The following OTC variants were observed in gnomAD, a reference collection of about 807,000 sequenced individuals.
The protein encoded by OTC is ornithine transcarbamylase, also known as ornithine transcarbamylase, mitochondrial.
Under a neutral mutation model 30.3 loss-of-function variants are expected in OTC, and 3 were observed. That is an observed-to-expected ratio of 0.10 (90% CI 0.05 to 0.26). The LOEUF (loss-of-function observed/expected upper bound fraction) is 0.26. OTC is among the 10% of genes least tolerant of loss of function. The pLI is 1.00. For missense variants in OTC, 194 were observed against 260.3 expected (o/e 0.75, Z 1.75); for synonymous variants, 111 against 99.7 (o/e 1.11, Z -0.67).
chrX:38,352,820 T>G (rs1362485966), intron 1 of OTC, 47 bp downstream of exon 1: 2 of 926,413 alleles, frequency 2.2e-6, no homozygotes, highest in Admixed American at 4.4e-5. Context: ...ATCATGGTGA[T>G]GCATAAAACT....
At chrX:38,399,631 T>C (rs1270648159) in intron 4 of OTC, among the ~76,000 whole-genome samples, 2 of 110,494 alleles carry the variant, frequency 1.8e-5, no homozygotes, top group Non-Finnish European at 3.8e-5. Flanking sequence ...CCTGTAATCC[T>C]AGCTACTTGG....
At chrX:38,331,443 T>G in the OTC span, among the ~76,000 whole-genome samples, 1,201 of 28,844 alleles carry the variant, frequency 0.042, 20 homozygotes, top group East Asian at 0.13. Flanking sequence ...TTTTTTTTTG[T>G]TTTTTTTTTT....
intron 1 of OTC, among the ~76,000 whole-genome samples, chrX:38,366,141 G>A (rs2068294815): frequency 9.0e-6 from 1 of 111,602 alleles, no homozygotes; most frequent in Non-Finnish European, 1.9e-5. Context: ...CCTTCCCTTG[G>A]CTTCACTTAG....
chrX:38,388,024 C>G (rs1013285257), intron 4 of OTC, among the ~76,000 whole-genome samples: 1 of 112,111 alleles, frequency 8.9e-6, no homozygotes, highest in Non-Finnish European at 1.9e-5. Context: ...AGCCAAGGGT[C>G]AGCCTTGTAA....
intron 9 of OTC, among the ~76,000 whole-genome samples, chrX:38,418,672 C>T (rs1385826914): frequency 9.0e-6 from 1 of 111,547 alleles, no homozygotes; most frequent in Non-Finnish European, 1.9e-5. Context: ...ATCACAGGGG[C>T]AGTTTCCCCC....
At chrX:38,420,973 G>C in intron 9 of OTC, 50 bp from the exon 10 acceptor site, 2 of 957,487 alleles carry the variant, frequency 2.1e-6, no homozygotes, top group South Asian at 3.9e-5. Context: ...TCCCTAAGCA[G>C]ACTGTCGCTA....
chrX:38,342,154 C>T, the OTC span, among the ~76,000 whole-genome samples: 18 of 107,423 alleles, frequency 1.7e-4, no homozygotes, highest in Non-Finnish European at 3.5e-4. Context: ...CGATGCATAG[C>T]TGGGATTACA....
chrX:38,340,736 A>G, the OTC span, among the ~76,000 whole-genome samples: 3 of 110,484 alleles, frequency 2.7e-5, no homozygotes, highest in South Asian at 1.1e-3. Flanking sequence ...TGAACGTTCC[A>G]TTATAAATCT....
the OTC span, among the ~76,000 whole-genome samples, chrX:38,339,791 C>T: frequency 9.0e-6 from 1 of 111,175 alleles, no homozygotes; most frequent in East Asian, 2.8e-4. Context: ...TCAAGGTGAA[C>T]CTTAGGGAGA....
Position 38,421,048 on chromosome X carries a change from A to G in OTC, c.1031A>G (p.Asp344Gly). 8.3e-7 allele frequency: 1 copy of G among 1,204,079 alleles called. No homozygotes were observed. The highest frequency in any genetic ancestry group is 1.8e-5 in the South Asian group (1 of 56,808). Residue 344 changes from aspartate (D) to glycine (G), a missense_variant, in exon 10 of 10, where the codon GAT (aspartate) becomes GGT (glycine). Asp to Gly is a moderately conservative substitution (Grantham distance 94). Transcript: ENST00000039007. ...GCTGTCATGGTGTCCCTGCTGACAGATTACTCACCTCAGCTCCAGAAGCCT... is the reference window on the plus strand; with the variant it reads ...GCTGTCATGGTGTCCCTGCTGACAGGTTACTCACCTCAGCTCCAGAAGCCT... ...IMAVMVSLLT[D>G]YSPQLQKPKF
At chrX:38,409,077 GA>G in intron 8 of OTC, 52 bp downstream of exon 8, 1 of 1,134,753 alleles carries the variant, frequency 8.8e-7, no homozygotes. Flanking sequence ...ATGAAGGCCA[GA>G]ACCATCTAAT....
chrX:38,361,014 T>C (rs1361384162), intron 1 of OTC, among the ~76,000 whole-genome samples: 2 of 112,160 alleles, frequency 1.8e-5, no homozygotes, highest in African/African-American at 6.5e-5. Flanking sequence ...AAATGGATAA[T>C]GACAGTGCAG....
chrX:38,409,813 C>A (rs1417943831), intron 8 of OTC, among the ~76,000 whole-genome samples: 2 of 112,179 alleles, frequency 1.8e-5, no homozygotes, highest in East Asian at 5.6e-4. Flanking sequence ...TAAAGTAATA[C>A]ATAAATACAA....
At chrX:38,402,726 C>G (rs181644176) in intron 5 of OTC, among the ~76,000 whole-genome samples, 30 of 111,520 alleles carry the variant, frequency 2.7e-4, no homozygotes, top group African/African-American at 9.1e-4. Flanking sequence ...TTATTTTCTT[C>G]CTTTCCACAA....
intron 3 of OTC, among the ~76,000 whole-genome samples, chrX:38,374,703 G>C (rs6609615): frequency 0.043 from 4,816 of 111,446 alleles, 228 homozygotes; most frequent in East Asian, 0.16. Flanking sequence ...ATCAAAGAAA[G>C]AGTGTGACTT....
chrX:38,400,743 C>T (rs2068481418), intron 4 of OTC, among the ~76,000 whole-genome samples: 1 of 112,457 alleles, frequency 8.9e-6, no homozygotes. Context: ...GTGGCCTTGG[C>T]AGGAATGCTG....
At chrX:38,422,680 C>A (rs1159565570), downstream of OTC, among the ~76,000 whole-genome samples, 1 of 112,098 alleles carries the variant, frequency 8.9e-6, no homozygotes, top group Non-Finnish European at 1.9e-5. Flanking sequence ...AATTTAACCT[C>A]ATTCTCAGCC....
intron 9 of OTC, among the ~76,000 whole-genome samples, chrX:38,415,855 A>AAAAC (rs1158301484): frequency 1.8e-5 from 2 of 112,184 alleles, no homozygotes; most frequent in Non-Finnish European, 3.8e-5. Context: ...ACTCCGTCTC[A>AAAAC]AAACAAACAA....
chrX:38,364,046 A>C (rs1229147901), intron 1 of OTC, among the ~76,000 whole-genome samples: 1 of 110,716 alleles, frequency 9.0e-6, no homozygotes, highest in Non-Finnish European at 1.9e-5. Context: ...AAATGTCCTG[A>C]AACTGGGAGG....
Sources: allele counts gnomAD v4.1 joint callset (sites outside exome capture counted in the v4.1 genomes callset), GRCh38; gene constraint gnomAD v4.1.1; transcripts MANE v1.5; gene names NCBI Gene and HGNC (gene_info 2026-07-23, HGNC 2026-07-21).